The following STAT3 variants were observed in gnomAD, a reference collection of about 807,000 sequenced individuals.
The protein encoded by STAT3 is signal transducer and activator of transcription 3.
In STAT3, 7 loss-of-function variants were observed where a neutral mutation model predicts 114.3. The observed-to-expected ratio is 0.06, with a 90% confidence interval of 0.03 to 0.11. The LOEUF (loss-of-function observed/expected upper bound fraction) is 0.11, where lower values mean the gene tolerates loss of function less well. Among genes scored for constraint, STAT3 ranks in the 10% least tolerant of loss-of-function variants. The pLI is 1.00. For synonymous variants in STAT3, 331 were observed against 354.5 expected (o/e 0.93, Z 0.74); for missense variants, 364 against 960.9 (o/e 0.38, Z 8.21).
At position 42,345,551 on chromosome 17, in the gene STAT3, G is replaced by A. The variant is rs35499754; in HGVS notation, c.372+8C>T. ...CAGACCAGGGATTTGTTTTGTCTCA[G>A]GTCTCACCTGGGCCGCAGTGGCTGC... On this transcript the variant is annotated splice_region_variant and intron_variant, in intron 4 of 23. Coordinates refer to ENST00000264657, the MANE Select transcript of STAT3 (RefSeq NM_139276.3). The A allele has an allele frequency of 1.9e-6, 3 of 1,597,032 alleles. No homozygotes were observed. Among genetic ancestry groups the A allele is most frequent in the Non-Finnish European group, 2.6e-6 (3 of 1,169,932 alleles).
intron 1 of STAT3, among the ~76,000 whole-genome samples, chr17:42,364,855 G>A (rs1436148626): frequency 6.6e-6 from 1 of 152,204 alleles, no homozygotes; most frequent in African/African-American, 2.4e-5. Context: ...GTGCTTACTG[G>A]AGAGAAGGAA....
At position 42,333,966 on chromosome 17, in the gene STAT3, T is replaced by C; in HGVS notation, c.881A>G (p.Lys294Arg). Reference sequence around the variant, plus strand: ...CCGGTGCTGTACAATGGGGTCCCCTTTGTAGGAAACTTTTTGCTGCAACTC... The same window carrying C: ...CCGGTGCTGTACAATGGGGTCCCCTCTGTAGGAAACTTTTTGCTGCAACTC... ...LEELQQKVSYKGDPIVQHRPM... is the reference protein window; with the variant it reads ...LEELQQKVSYRGDPIVQHRPM... The change falls in exon 9 of 24, where the codon AAA (lysine) becomes AGA (arginine). Residue 294 changes from lysine (K) to arginine (R), a missense_variant. Around this residue, in one of 5 missense-constraint regions of STAT3, gnomAD observed 294 missense variants for 745.1 expected, o/e 0.39. Transcript: ENST00000264657. The surrounding 1 kb of genome is among the most constrained non-coding windows in gnomAD (Gnocchi z 5.2). 1 of 1,614,202 alleles carries C rather than the reference T, an allele frequency of 6.2e-7. No homozygotes were observed. Among genetic ancestry groups the C allele is most frequent in the Non-Finnish European group, 8.5e-7 (1 of 1,180,040 alleles).
Position 42,337,450 on chromosome 17 carries a change from T to C in STAT3, c.782A>G (p.Asp261Gly). ...CATCCTTTACCAGTTTTCTAGCCGA[T>C]CTAGGCAGATGTTGGGCGGGCCTCC... ...CIGGPPNICL[D>G]RLENWITSLA... Residue 261 changes from aspartate to glycine, a missense_variant, in exon 8 of 24, where the codon GAT (aspartate) becomes GGT (glycine). By Grantham distance (94) the Asp-to-Gly change is moderately conservative (BLOSUM62 -1). This residue lies in a region of STAT3 where 294 missense variants were observed against 745.1 expected (regional missense o/e 0.39). Coordinates refer to ENST00000264657, the MANE Select transcript of STAT3 (RefSeq NM_139276.3). The surrounding 1 kb of genome is among the most constrained non-coding windows in gnomAD (Gnocchi z 4.0). 1 of 1,614,164 alleles carries C rather than the reference T, an allele frequency of 6.2e-7. No individual in the cohort carries two copies. The highest frequency in any genetic ancestry group is 2.2e-5 in the East Asian group (1 of 44,884).
chr17:42,388,243 G>A (rs2085222373), intron 1 of STAT3, 36 bp downstream of exon 1: 1 of 1,231,748 alleles, frequency 8.1e-7, no homozygotes, highest in African/African-American at 1.6e-5. Flanking sequence ...CGGGTCCCCA[G>A]GCCTCCCCAA....
At chr17:42,368,094 C>G (rs2083904951) in intron 1 of STAT3, among the ~76,000 whole-genome samples, 1 of 152,114 alleles carries the variant, frequency 6.6e-6, no homozygotes, top group South Asian at 2.1e-4. Context: ...CCCAGCTACT[C>G]AGGAGGCTGA....
chr17:42,355,902 GGAAA>G (rs1450565672), intron 1 of STAT3, among the ~76,000 whole-genome samples: 1 of 152,136 alleles, frequency 6.6e-6, no homozygotes, highest in Non-Finnish European at 1.5e-5. Context: ...GAGGGAAGGC[GGAAA>G]GAGAGACGAA....
intron 1 of STAT3, among the ~76,000 whole-genome samples, chr17:42,353,125 A>G (rs1186001978): frequency 6.6e-6 from 1 of 152,146 alleles, no homozygotes; most frequent in Non-Finnish European, 1.5e-5. Flanking sequence ...AAGCATGTGG[A>G]TCACCCGAGG....
Position 42,315,766 on chromosome 17 carries a change from C to T in STAT3, c.2292G>A (p.Glu764=), listed in dbSNP as rs368404940. 6 of 1,614,006 alleles carry T rather than the reference C, an allele frequency of 3.7e-6. No individual in the cohort carries two copies. In the African/African-American group the frequency reaches 4.0e-5, roughly 11 times the overall value. The part of the protein sequence containing the change: ...SLTFDMELTS[E]CATSPM The stretch of plus-strand genomic sequence containing the variant: ...CTCCTCACATGGGGGAGGTAGCGCA[C>T]TCCGAGGTCAACTCCATGTCAAAGG... The change falls in exon 24 of 24, where the codon GAG becomes GAA. Residue 764 remains glutamate (E), a synonymous_variant. Coordinates refer to ENST00000264657, the MANE Select transcript of STAT3 (RefSeq NM_139276.3).
chr17:42,340,242 G>C (rs2082385157), intron 4 of STAT3, among the ~76,000 whole-genome samples: 2 of 151,554 alleles, frequency 1.3e-5, no homozygotes. Flanking sequence ...TGTAATCCCA[G>C]CTACTCGGGA....
intron 17 of STAT3, 76 bp from the exon 18 acceptor site, chr17:42,323,701 C>A: frequency 7.2e-7 from 1 of 1,395,310 alleles, no homozygotes. Context: ...ACAGAACACA[C>A]ACACATTCAT....
chr17:42,329,502 GCCCTCTCCGGCAGCCAGAGGC>G, intron 13 of STAT3, 31 bp downstream of exon 13: 1 of 1,614,170 alleles, frequency 6.2e-7, no homozygotes, highest in Non-Finnish European at 8.5e-7. Flanking sequence ...GCTCTCCCTA[GCCCTCTCCGGCAGCCAGAGGC>G]CCTTTGTGAA....
At chr17:42,374,482 T>C (rs1218597056) in intron 1 of STAT3, among the ~76,000 whole-genome samples, 1 of 151,872 alleles carries the variant, frequency 6.6e-6, no homozygotes, top group Non-Finnish European at 1.5e-5. Context: ...TGGTGGTGCA[T>C]GCCTGTAATC....
intron 2 of STAT3, 42 bp downstream of exon 2, chr17:42,348,347 C>T (rs370581223): frequency 6.2e-7 from 1 of 1,613,440 alleles, no homozygotes; most frequent in Non-Finnish European, 8.5e-7. Context: ...TTGACTCAAA[C>T]TGAAACCTAA....
At chr17:42,371,939 C>CAT (rs2084172102) in intron 1 of STAT3, among the ~76,000 whole-genome samples, 1 of 151,626 alleles carries the variant, frequency 6.6e-6, no homozygotes, top group East Asian at 2.0e-4. Flanking sequence ...GCCGAGATTG[C>CAT]GCCATTGCAC....
At chr17:42,331,574 C>T (rs765084660) in intron 10 of STAT3, 43 bp from the exon 11 acceptor site, 7 of 1,460,442 alleles carry the variant, frequency 4.8e-6, no homozygotes, top group Middle Eastern at 1.7e-4. Flanking sequence ...GTCAGTAACT[C>T]TCCCATAACC....
intron 1 of STAT3, among the ~76,000 whole-genome samples, chr17:42,358,656 G>A (rs1471953199): frequency 6.6e-6 from 1 of 152,152 alleles, no homozygotes; most frequent in Non-Finnish European, 1.5e-5. Context: ...GTGTGGTGTG[G>A]GGGAAAGGAC....
At chr17:42,381,541 C>T (rs1413314473) in intron 1 of STAT3, among the ~76,000 whole-genome samples, 9 of 151,698 alleles carry the variant, frequency 5.9e-5, no homozygotes, top group African/African-American at 9.7e-5. Flanking sequence ...CTGGCTAACA[C>T]GGTGAAACCC....
chr17:42,380,411 G>T (rs1203663094), intron 1 of STAT3, among the ~76,000 whole-genome samples: 4 of 151,550 alleles, frequency 2.6e-5, no homozygotes, highest in Non-Finnish European at 4.4e-5. Flanking sequence ...TTGAGACAGA[G>T]TCTCACTCTG....
At chr17:42,376,190 G>C (rs1187467186) in intron 1 of STAT3, among the ~76,000 whole-genome samples, 1 of 151,722 alleles carries the variant, frequency 6.6e-6, no homozygotes, top group Non-Finnish European at 1.5e-5. Context: ...AACCAACTGG[G>C]ATACTGGCAG....
Sources: allele counts gnomAD v4.1 joint callset (sites outside exome capture counted in the v4.1 genomes callset), GRCh38; gene constraint gnomAD v4.1.1; regional missense constraint gnomAD v4.1.1; non-coding constraint Gnocchi (gnomAD v3.1); transcripts MANE v1.5; gene names NCBI Gene and HGNC (gene_info 2026-07-23, HGNC 2026-07-21).